The following TRPM3 variants were observed in gnomAD, a reference collection of about 807,000 sequenced individuals.
TRPM3 encodes transient receptor potential cation channel subfamily M member 3, also known as long transient receptor potential channel 3.
A neutral mutation model predicts 181.2 loss-of-function variants in TRPM3; 77 were observed. That is an observed-to-expected ratio of 0.42 (90% confidence interval 0.35 to 0.51). The LOEUF is 0.51. TRPM3 is among the 20% of genes least tolerant of loss of function. The pLI, the probability that TRPM3 is intolerant of heterozygous loss-of-function variation, is 0.01. For missense variants in TRPM3, 1,759 were observed against 2,196.7 expected (o/e 0.80, Z 3.98); for synonymous variants, 745 against 796.4 (o/e 0.94, Z 1.09).
At chr9:70,596,459 T>C in intron 21 of TRPM3, among the ~76,000 whole-genome samples, 1 of 152,154 alleles carries the variant, frequency 6.6e-6, no homozygotes, top group East Asian at 1.9e-4. Flanking sequence ...CAGCCAGGCA[T>C]GGTGGCTCAC....
At chr9:70,866,784 C>T (rs939070165) in intron 1 of TRPM3, among the ~76,000 whole-genome samples, 2 of 151,976 alleles carry the variant, frequency 1.3e-5, no homozygotes, top group African/African-American at 4.8e-5. Flanking sequence ...GATAATCAAA[C>T]CAGATGATTC....
chr9:70,588,497 C>T (rs1030546952), intron 22 of TRPM3, among the ~76,000 whole-genome samples: 11 of 151,934 alleles, frequency 7.2e-5, no homozygotes, highest in East Asian at 1.9e-4. Context: ...ATGGAGCACA[C>T]GCATTCCGTT....
chr9:71,128,263 T>A (rs1304827987), intron 1 of TRPM3, among the ~76,000 whole-genome samples: 1 of 152,158 alleles, frequency 6.6e-6, no homozygotes, highest in Admixed American at 6.5e-5. Flanking sequence ...GGTCTCACTT[T>A]GGAAAAGACA....
chr9:70,983,549 G>A (rs1558926), intron 1 of TRPM3, among the ~76,000 whole-genome samples: 32,920 of 152,178 alleles, frequency 0.22, 3,962 homozygotes, highest in East Asian at 0.41. Context: ...GATTCAGAGC[G>A]TGCTAGAGCA....
chr9:70,929,482 G>A (rs1387284856), intron 1 of TRPM3, among the ~76,000 whole-genome samples: 7 of 152,240 alleles, frequency 4.6e-5, no homozygotes, highest in East Asian at 1.9e-4. Flanking sequence ...GATTACAGGC[G>A]TGACCCACCG....
chr9:71,445,460 T>C (rs890369510), intron 1 of TRPM3, among the ~76,000 whole-genome samples: 2 of 152,220 alleles, frequency 1.3e-5, no homozygotes, highest in African/African-American at 4.8e-5. Context: ...TACCCATATT[T>C]AGATGAAAAA....
At chr9:70,571,135 T>C (rs936890474) in intron 22 of TRPM3, among the ~76,000 whole-genome samples, 1 of 152,086 alleles carries the variant, frequency 6.6e-6, no homozygotes, top group African/African-American at 2.4e-5. Flanking sequence ...CAAAAGCTTA[T>C]CTCATTCCAA....
chr9:70,621,278 T>TA lies in TRPM3; in HGVS notation c.1810-6dup, dbSNP rs757735326. ...CAGCAGTTTCAAGGCTTTGGGCTGTTAAAAAAAACGTTGTGAACAAAGTTA... is the reference window on the plus strand; with the variant it reads ...CAGCAGTTTCAAGGCTTTGGGCTGTTAAAAAAAAACGTTGTGAACAAAGTTA... On this transcript the variant is annotated splice_polypyrimidine_tract_variant and splice_region_variant and intron_variant, in intron 14 of 25. Coordinates refer to ENST00000677713, the MANE Select transcript of TRPM3 (RefSeq NM_001366145.2). 268 of 1,597,486 alleles carry TA rather than the reference T, an allele frequency of 1.7e-4. 2 individuals are homozygous for TA. In the African/African-American group the frequency reaches 2.1e-3, roughly 12 times the overall value.
intron 1 of TRPM3, among the ~76,000 whole-genome samples, chr9:70,895,074 T>C (rs1430758246): frequency 1.3e-5 from 2 of 152,158 alleles, no homozygotes; most frequent in Non-Finnish European, 2.9e-5. Flanking sequence ...AAATGTTATA[T>C]TGTACATGAA....
At chr9:71,387,896 A>G (rs1237334938) in intron 1 of TRPM3, among the ~76,000 whole-genome samples, 1 of 152,172 alleles carries the variant, frequency 6.6e-6, no homozygotes, top group East Asian at 1.9e-4. Flanking sequence ...CTTTTCTATT[A>G]TGTTATAACA....
At chr9:70,618,202 T>A (rs979853010) in intron 17 of TRPM3, among the ~76,000 whole-genome samples, 4 of 152,214 alleles carry the variant, frequency 2.6e-5, no homozygotes, top group South Asian at 2.1e-4. Flanking sequence ...GTAACATCTC[T>A]TTCACAGTCC....
chr9:71,293,327 C>T (rs12378617), intron 1 of TRPM3, among the ~76,000 whole-genome samples: 28,529 of 151,586 alleles, frequency 0.19, 2,749 homozygotes, highest in African/African-American at 0.25. Context: ...ACATAAATGG[C>T]TTGTAAATAA....
intron 1 of TRPM3, among the ~76,000 whole-genome samples, chr9:71,306,216 T>C (rs996669187): frequency 6.6e-5 from 10 of 152,216 alleles, no homozygotes; most frequent in Admixed American, 4.6e-4. Flanking sequence ...ACATTTTGGC[T>C]ATTGAGATAA....
At chr9:71,023,330 C>T (rs1194998609) in intron 1 of TRPM3, among the ~76,000 whole-genome samples, 1 of 151,984 alleles carries the variant, frequency 6.6e-6, no homozygotes, top group East Asian at 1.9e-4. Context: ...TAAATAATAG[C>T]AATAATACTA....
intron 1 of TRPM3, among the ~76,000 whole-genome samples, chr9:71,383,919 C>G (rs1372210918): frequency 6.6e-6 from 1 of 152,132 alleles, no homozygotes; most frequent in Non-Finnish European, 1.5e-5. Flanking sequence ...AGGAATGATC[C>G]ATTTTGCTAG....
chr9:71,185,167 C>T (rs1157158590), intron 1 of TRPM3, among the ~76,000 whole-genome samples: 2 of 152,026 alleles, frequency 1.3e-5, no homozygotes, highest in African/African-American at 2.4e-5. Flanking sequence ...GGAAGCCACA[C>T]ACTCTAATGT....
chr9:70,986,464 A>T (rs1389102742), intron 1 of TRPM3, among the ~76,000 whole-genome samples: 1 of 152,206 alleles, frequency 6.6e-6, no homozygotes, highest in South Asian at 2.1e-4. Context: ...TTTCAAGAAC[A>T]AGTTTATAAT....
chr9:70,573,244 G>T (rs574526756), intron 22 of TRPM3, among the ~76,000 whole-genome samples: 1 of 152,288 alleles, frequency 6.6e-6, no homozygotes, highest in African/African-American at 2.4e-5. Context: ...GAGGAACATT[G>T]TCTTTGGTGA....
At chr9:70,917,495 A>G in intron 1 of TRPM3, 2 of 725,138 alleles carry the variant, frequency 2.8e-6, no homozygotes, top group Non-Finnish European at 2.5e-6. Flanking sequence ...CACCAGGGCC[A>G]AGGGAGCCAC....
Sources: gnomAD v4.1 joint callset for allele counts (sites outside exome capture counted in the v4.1 genomes callset) on GRCh38, gnomAD v4.1.1 for gene constraint, MANE v1.5 for transcripts, NCBI Gene and HGNC (gene_info 2026-07-23, HGNC 2026-07-21) for gene names.